GKAP1: variants seen among roughly 807,000 people sequenced by gnomAD.
GKAP1 encodes G kinase-anchoring protein 1.
Under a neutral mutation model 56.7 loss-of-function variants are expected in GKAP1, and 31 were observed. That is an observed-to-expected ratio of 0.55 (90% CI 0.41 to 0.74). The LOEUF (loss-of-function observed/expected upper bound fraction) is 0.74. Among genes scored for constraint, GKAP1 ranks in the 30% least tolerant of loss-of-function variants. The pLI is 0.00. For synonymous variants in GKAP1, 151 were observed against 138.6 expected (o/e 1.09, Z -0.63); for missense variants, 364 against 402.3 (o/e 0.90, Z 0.82).
chr9:83,766,746 GATCA>G (rs1436885684), intron 8 of GKAP1, among the ~76,000 whole-genome samples: 8 of 152,304 alleles, frequency 5.3e-5, no homozygotes, highest in African/African-American at 1.4e-4. Flanking sequence ...TTTAGAAAGA[GATCA>G]ATCAAAGGAC....
intron 8 of GKAP1, among the ~76,000 whole-genome samples, chr9:83,761,901 T>C (rs1254766057): frequency 2.0e-5 from 3 of 152,164 alleles, no homozygotes; most frequent in African/African-American, 7.2e-5. Context: ...AGAAGGAATA[T>C]ACCTCAACAT....
At chr9:83,742,240 G>C (rs936430173) in intron 11 of GKAP1, among the ~76,000 whole-genome samples, 5 of 141,432 alleles carry the variant, frequency 3.5e-5, no homozygotes, top group African/African-American at 1.3e-4. Context: ...GATGTGAAGG[G>C]GAGAAAAATC....
chr9:83,793,876 T>C (rs751104388), intron 4 of GKAP1, among the ~76,000 whole-genome samples: 15 of 152,154 alleles, frequency 9.9e-5, no homozygotes, highest in Non-Finnish European at 2.1e-4. Flanking sequence ...TCATGAAATC[T>C]GGTCAGAAGA....
At chr9:83,816,837 T>C (rs1298998472) in intron 2 of GKAP1, among the ~76,000 whole-genome samples, 159 bp downstream of exon 2, 1 of 152,140 alleles carries the variant, frequency 6.6e-6, no homozygotes, top group Non-Finnish European at 1.5e-5. Context: ...ATAAACTATT[T>C]TTGTCGTTAC....
chr9:83,812,310 T>C lies in GKAP1; in HGVS notation c.-44+4686A>G, dbSNP rs144512039. Among the ~76,000 whole-genome samples, 728 of 146,714 alleles carry C rather than the reference T, an allele frequency of 5.0e-3. 5 individuals carry two copies. Among genetic ancestry groups the C allele is most frequent in the African/African-American group, 0.017 (697 of 40,540 alleles). ...ATATACGTATATATATACGTATACA[T>C]ATATATGTATATATACACACGTATA... On this transcript the variant is annotated intron_variant, in intron 2 of 12. Transcript: ENST00000376371.
At chr9:83,797,169 T>C (rs547044409) in intron 4 of GKAP1, among the ~76,000 whole-genome samples, 4 of 152,308 alleles carry the variant, frequency 2.6e-5, no homozygotes, top group African/African-American at 9.6e-5. Flanking sequence ...TTGATGTAAA[T>C]TTGCATTATC....
intron 8 of GKAP1, among the ~76,000 whole-genome samples, chr9:83,766,701 C>T (rs1004320565): frequency 5.9e-5 from 9 of 152,190 alleles, no homozygotes; most frequent in Admixed American, 3.3e-4. Context: ...CCAGATTATT[C>T]GAATTTGGAA....
intron 4 of GKAP1, among the ~76,000 whole-genome samples, chr9:83,796,253 C>G (rs1000691663): frequency 6.6e-6 from 1 of 151,894 alleles, no homozygotes; most frequent in African/African-American, 2.4e-5. Context: ...TCTCTAATAC[C>G]TGTGTCTCTT....
intron 2 of GKAP1, among the ~76,000 whole-genome samples, chr9:83,812,576 GC>G (rs1944526745): frequency 6.6e-6 from 1 of 150,642 alleles, no homozygotes; most frequent in Non-Finnish European, 1.5e-5. Context: ...CTAGGCTCAA[GC>G]AATCCTCCTA....
At chr9:83,812,712 A>G (rs1944529173) in intron 2 of GKAP1, among the ~76,000 whole-genome samples, 1 of 152,100 alleles carries the variant, frequency 6.6e-6, no homozygotes, top group Admixed American at 6.5e-5. Flanking sequence ...TCTATACTCA[A>G]GTTGAAAAAG....
chr9:83,793,031 A>G (rs1944188446), intron 4 of GKAP1: 1 of 1,269,354 alleles, frequency 7.9e-7, no homozygotes, highest in African/African-American at 1.5e-5. Context: ...GTAGTAAAAC[A>G]TTTTTTCTTC....
At chr9:83,799,159 A>C (rs1250065534) in intron 4 of GKAP1, 26 bp downstream of exon 4, 1 of 1,606,724 alleles carries the variant, frequency 6.2e-7, no homozygotes, top group Non-Finnish European at 8.5e-7. Context: ...ATGAAAAACA[A>C]AGCAATTTTA....
At chr9:83,809,803 T>C (rs1011554285) in intron 2 of GKAP1, among the ~76,000 whole-genome samples, 5 of 152,194 alleles carry the variant, frequency 3.3e-5, no homozygotes, top group African/African-American at 1.2e-4. Context: ...GTCATTTGCT[T>C]ATTTATTCAT....
intron 8 of GKAP1, among the ~76,000 whole-genome samples, chr9:83,758,174 T>C (rs1048915423): frequency 6.6e-6 from 1 of 152,186 alleles, no homozygotes; most frequent in Non-Finnish European, 1.5e-5. Flanking sequence ...CAGAGGCTTA[T>C]ATCCTTTGAT....
intron 8 of GKAP1, among the ~76,000 whole-genome samples, chr9:83,765,426 C>A (rs1370249401): frequency 2.0e-5 from 3 of 152,232 alleles, no homozygotes; most frequent in Non-Finnish European, 4.4e-5. Flanking sequence ...AGCCCCCACA[C>A]AGAGTCCCTA....
chr9:83,768,947 TAA>T lies in GKAP1; in HGVS notation c.607_608del (p.Leu203IlefsTer3). 1 of 1,609,976 alleles carries T rather than the reference TAA, an allele frequency of 6.2e-7. No homozygotes were observed. The highest frequency in any genetic ancestry group is 1.7e-5 in the Admixed American group (1 of 59,490). ...KTEELSSSQT[L>X]SHDGGFFNRL... Reference sequence around the variant, plus strand: ...TATTGAAGAATCCTCCATCATGTGATAAAGTCTGAGAAGAACTCAATTCCTGT... The same window carrying T: ...TATTGAAGAATCCTCCATCATGTGATAGTCTGAGAAGAACTCAATTCCTGT... On this transcript the variant is annotated frameshift_variant, in exon 8 of 13. Coordinates refer to ENST00000376371, the MANE Select transcript of GKAP1 (RefSeq NM_025211.4). LOFTEE classifies it high-confidence loss of function.
chr9:83,803,774 C>T lies in GKAP1; in HGVS notation c.216+2528G>A, dbSNP rs1379832675. 4.0e-5 allele frequency among the ~76,000 whole-genome samples: 6 copies of T among 150,868 alleles called. No homozygotes were observed. The East Asian group carries it at 1.0e-3, about 25-fold the overall frequency. On this transcript the variant is annotated intron_variant, in intron 3 of 12. Coordinates refer to ENST00000376371, the MANE Select transcript of GKAP1 (RefSeq NM_025211.4). ...GCCCAGTCTGGAAAGTGAGGAGCGT[C>T]TCTGCCCGGCCGCCATCCCATCTAG...
At chr9:83,766,796 T>C (rs1943670978) in intron 8 of GKAP1, among the ~76,000 whole-genome samples, 1 of 152,220 alleles carries the variant, frequency 6.6e-6, no homozygotes, top group African/African-American at 2.4e-5. Context: ...AAAAGTTACA[T>C]AGTACTGATT....
intron 3 of GKAP1, among the ~76,000 whole-genome samples, chr9:83,805,027 G>A (rs191131197): frequency 2.0e-3 from 302 of 152,342 alleles, no homozygotes; most frequent in African/African-American, 6.6e-3. Flanking sequence ...GGAATAGAAG[G>A]GGGGGAAAGG....
Sources: allele counts gnomAD v4.1 joint callset (sites outside exome capture counted in the v4.1 genomes callset), GRCh38; gene constraint gnomAD v4.1.1; transcripts MANE v1.5; gene names NCBI Gene and HGNC (gene_info 2026-07-23, HGNC 2026-07-21).